The following MCU variants were observed in gnomAD, a reference collection of about 807,000 sequenced individuals.
MCU encodes calcium uniporter protein, mitochondrial.
MCU carries 12 observed loss-of-function variants against 45.2 expected under a neutral mutation model. That is an observed-to-expected ratio of 0.27 (90% CI 0.17 to 0.43). The LOEUF (loss-of-function observed/expected upper bound fraction) is 0.43, where lower values mean the gene tolerates loss of function less well. Among genes scored for constraint, MCU ranks in the 20% least tolerant of loss-of-function variants. The pLI is 1.00. For synonymous variants in MCU, 160 were observed against 165.1 expected (o/e 0.97, Z 0.24); for missense variants, 324 against 436.7 (o/e 0.74, Z 2.30).
intron 2 of MCU, among the ~76,000 whole-genome samples, chr10:72,853,624 A>G (rs1845242281): frequency 6.6e-6 from 1 of 152,216 alleles, no homozygotes; most frequent in African/African-American, 2.4e-5. Context: ...GAGGAAAGCC[A>G]GATCTAAAAA....
At position 72,755,388 on chromosome 10, in the gene MCU, C is replaced by T. The variant is rs140982135; in HGVS notation, c.150+63087C>T. 6.0e-3 allele frequency among the ~76,000 whole-genome samples: 905 copies of T among 151,886 alleles called. 12 individuals carry two copies. Among genetic ancestry groups the T allele is most frequent in the African/African-American group, 0.021 (853 of 41,420 alleles). ...GTCTTGAAGTCCTGACCTCAGGTGA[C>T]CCACCCGCCTTGGCCTCCCAAAGTG... On this transcript the variant is annotated intron_variant, in intron 1 of 7. Coordinates refer to ENST00000373053, the MANE Select transcript of MCU (RefSeq NM_138357.3).
chr10:72,792,762 A>G (rs1312674990), intron 1 of MCU, among the ~76,000 whole-genome samples: 1 of 131,038 alleles, frequency 7.6e-6, no homozygotes, highest in African/African-American at 2.9e-5. Flanking sequence ...AAATAATGTT[A>G]AGATCTTCTC....
chr10:72,798,982 C>T (rs1342296884), intron 1 of MCU, among the ~76,000 whole-genome samples: 2 of 152,082 alleles, frequency 1.3e-5, no homozygotes, highest in African/African-American at 4.8e-5. Context: ...CTCACTCTGT[C>T]ACTCAGGCTG....
At chr10:72,773,899 A>G (rs2132740828) in intron 1 of MCU, among the ~76,000 whole-genome samples, 1 of 152,356 alleles carries the variant, frequency 6.6e-6, no homozygotes, top group Admixed American at 6.5e-5. Flanking sequence ...TTAAGGTGCA[A>G]CAAAGCGTTT....
At chr10:72,786,746 AAAAT>A (rs1844077431) in intron 1 of MCU, among the ~76,000 whole-genome samples, 1 of 152,204 alleles carries the variant, frequency 6.6e-6, no homozygotes, top group Non-Finnish European at 1.5e-5. Context: ...ACAATGTCTC[AAAAT>A]AAATAAATAA....
chr10:72,805,101 C>CTCTTTCTTTCTTCCTTTCTT (rs1554824917), intron 1 of MCU, among the ~76,000 whole-genome samples: 103 of 103,454 alleles, frequency 1.0e-3, no homozygotes, highest in Non-Finnish European at 1.7e-3. Context: ...TTCTTTCTTT[C>CTCTTTCTTTCTTCCTTTCTT]TCTTTCTTTC....
chr10:72,869,634 A>G (rs1845510340), intron 5 of MCU, among the ~76,000 whole-genome samples: 1 of 152,170 alleles, frequency 6.6e-6, no homozygotes. Context: ...CAATACAACA[A>G]CAAAAAAATA....
chr10:72,761,811 T>A (rs1813376676), intron 1 of MCU, among the ~76,000 whole-genome samples: 1 of 152,110 alleles, frequency 6.6e-6, no homozygotes, highest in Admixed American at 6.5e-5. Context: ...TAGTGTACAT[T>A]GTACCCAATA....
intron 1 of MCU, among the ~76,000 whole-genome samples, chr10:72,729,871 C>A (rs116448323): frequency 6.6e-6 from 1 of 152,030 alleles, no homozygotes; most frequent in African/African-American, 2.4e-5. Flanking sequence ...TAGCTGATAG[C>A]CAAAAATGTC....
At chr10:72,845,095 A>G (rs981633169) in intron 2 of MCU, among the ~76,000 whole-genome samples, 1 of 152,196 alleles carries the variant, frequency 6.6e-6, no homozygotes, top group African/African-American at 2.4e-5. Context: ...ATGAAGTATT[A>G]GTATAGGAAA....
At chr10:72,884,952 C>A (rs1359749998) in intron 7 of MCU, among the ~76,000 whole-genome samples, 1 of 152,096 alleles carries the variant, frequency 6.6e-6, no homozygotes. Context: ...GGTGAATAAA[C>A]CCTCATTCCT....
At chr10:72,827,493 T>G (rs2132824301) in intron 1 of MCU, among the ~76,000 whole-genome samples, 1 of 152,340 alleles carries the variant, frequency 6.6e-6, no homozygotes, top group Middle Eastern at 3.4e-3. Context: ...CAAATGTTTT[T>G]TACATTGGTA....
Position 72,802,522 on chromosome 10 carries a change from T to A in MCU, c.151-31837T>A, listed in dbSNP as rs144797760. Among the ~76,000 whole-genome samples the A allele has an allele frequency of 5.3e-5, 8 of 152,206 alleles. No homozygotes were observed. The East Asian group carries it at 1.5e-3, about 29-fold the overall frequency. Reference sequence around the variant, plus strand: ...ACTGACAAGAACAAGGCTGACAAATTTGTAATTTCATCAGAAACTGAGCAA... The same window carrying A: ...ACTGACAAGAACAAGGCTGACAAATATGTAATTTCATCAGAAACTGAGCAA... On this transcript the variant is annotated intron_variant, in intron 1 of 7. Coordinates refer to ENST00000373053, the MANE Select transcript of MCU (RefSeq NM_138357.3).
chr10:72,834,179 T>C (rs1231533448), intron 1 of MCU, among the ~76,000 whole-genome samples, 180 bp from the exon 2 acceptor site: 2 of 152,220 alleles, frequency 1.3e-5, no homozygotes, highest in South Asian at 2.1e-4. Context: ...TTCACCACTA[T>C]TATTTCAGGA....
intron 6 of MCU, among the ~76,000 whole-genome samples, chr10:72,873,075 A>G (rs1476293493): frequency 7.0e-6 from 1 of 143,268 alleles, no homozygotes; most frequent in Non-Finnish European, 1.5e-5. Context: ...CTGGAGTACA[A>G]TGGCACGATC....
At position 72,884,419 on chromosome 10, in the gene MCU, A is replaced by G. The variant is rs965307123; in HGVS notation, c.978+37A>G. On this transcript the variant is annotated intron_variant, in intron 7 of 7. Transcript: ENST00000373053. Reference sequence around the variant, plus strand: ...AAAAATTAAAATAAATCCCAGCCCTATCTTGCATGGTTATTATTATTATCC... The same window carrying G: ...AAAAATTAAAATAAATCCCAGCCCTGTCTTGCATGGTTATTATTATTATCC... 8.7e-6 allele frequency: 10 copies of G among 1,145,646 alleles called. No homozygotes were observed. The African/African-American group carries it at 1.1e-4, about 12-fold the overall frequency. 71.0% of individuals were successfully genotyped at this position (1,145,646 alleles called of 1,614,324 possible).
intron 2 of MCU, among the ~76,000 whole-genome samples, chr10:72,856,936 CAAAAA>C (rs71021541): frequency 2.5e-5 from 2 of 79,684 alleles, no homozygotes; most frequent in Non-Finnish European, 2.4e-5. Context: ...CAAGATGTCT[CAAAAA>C]AAAAAAAAAA....
intron 2 of MCU, among the ~76,000 whole-genome samples, chr10:72,857,249 CT>C (rs966820436): frequency 1.0e-3 from 155 of 149,926 alleles, no homozygotes; most frequent in African/African-American, 3.6e-3. Flanking sequence ...AAACCCCCCC[CT>C]TTTTTTTTCA....
At chr10:72,747,768 C>T (rs1304586858) in intron 1 of MCU, among the ~76,000 whole-genome samples, 2 of 151,980 alleles carry the variant, frequency 1.3e-5, no homozygotes, top group South Asian at 2.1e-4. Context: ...CCTGGGAGGT[C>T]GCAGCTGCAG....
Sources: allele counts gnomAD v4.1 joint callset (sites outside exome capture counted in the v4.1 genomes callset), GRCh38; gene constraint gnomAD v4.1.1; transcripts MANE v1.5; gene names NCBI Gene and HGNC (gene_info 2026-07-23, HGNC 2026-07-21).